Variants in LITAF observed in about 807,000 individuals in gnomAD.
The protein encoded by LITAF is lipopolysaccharide-induced tumor necrosis factor-alpha factor.
Under a neutral mutation model 14.5 loss-of-function variants are expected in LITAF, and 9 were observed. The observed-to-expected ratio is 0.62, with a 90% CI of 0.37 to 1.08. LITAF has a LOEUF of 1.08. LITAF is among the 50% of genes least tolerant of loss of function. The pLI is 0.01. For synonymous variants in LITAF, 98 were observed against 88.2 expected (o/e 1.11, Z -0.62); for missense variants, 206 against 213.4 (o/e 0.97, Z 0.22).
chr16:11,580,358 A>G (rs1442186557), intron 1 of LITAF, among the ~76,000 whole-genome samples: 1 of 152,022 alleles, frequency 6.6e-6, no homozygotes, highest in African/African-American at 2.4e-5. Flanking sequence ...CCCAGGTTCA[A>G]GTGATTCTCC....
At chr16:11,577,418 A>G (rs1287839585) in intron 1 of LITAF, among the ~76,000 whole-genome samples, 1 of 150,434 alleles carries the variant, frequency 6.6e-6, no homozygotes, top group East Asian at 2.0e-4. Flanking sequence ...TCCAGGTTCA[A>G]GCAATTGTCC....
chr16:11,637,032 T>C (rs1357027970), upstream of LITAF, among the ~76,000 whole-genome samples: 2 of 151,984 alleles, frequency 1.3e-5, no homozygotes, highest in Admixed American at 1.3e-4. Context: ...ACCAGCGTGC[T>C]CATCTGTAAA....
upstream of LITAF, among the ~76,000 whole-genome samples, chr16:11,637,324 G>A (rs1396159002): frequency 2.0e-5 from 3 of 152,208 alleles, no homozygotes; most frequent in African/African-American, 7.2e-5. Flanking sequence ...CTTGCAGCCT[G>A]GGAATGGAGC....
chr16:11,613,690 G>A (rs1011855887), intron 3 of LITAF, among the ~76,000 whole-genome samples: 2 of 152,220 alleles, frequency 1.3e-5, no homozygotes, highest in African/African-American at 4.8e-5. Flanking sequence ...CAGGAAAGGT[G>A]TCCTTACAGG....
At chr16:11,596,127 G>T (rs1347283275) in intron 1 of LITAF, among the ~76,000 whole-genome samples, 1 of 152,048 alleles carries the variant, frequency 6.6e-6, no homozygotes, top group Non-Finnish European at 1.5e-5. Context: ...GTAATTAATG[G>T]GTCAACCCTT....
chr16:11,580,783 T>C (rs2064720332), intron 1 of LITAF, among the ~76,000 whole-genome samples: 1 of 147,906 alleles, frequency 6.8e-6, no homozygotes, highest in Non-Finnish European at 1.5e-5. Context: ...TTTTTTATTT[T>C]GAGACAGGGT....
chr16:11,628,805 T>C (rs1361861819), intron 3 of LITAF, among the ~76,000 whole-genome samples: 2 of 152,184 alleles, frequency 1.3e-5, no homozygotes, highest in Non-Finnish European at 2.9e-5. Flanking sequence ...GCATTCCTAG[T>C]AGCTGGGATT....
chr16:11,556,430 C>A, intron 2 of LITAF, 81 bp downstream of exon 2: 1 of 1,245,272 alleles, frequency 8.0e-7, no homozygotes, highest in Non-Finnish European at 1.1e-6. Context: ...GACTCTTTGG[C>A]AGAGTCACTT....
intron 1 of LITAF, among the ~76,000 whole-genome samples, chr16:11,575,940 G>C (rs924019918): frequency 6.6e-6 from 1 of 152,196 alleles, no homozygotes; most frequent in Non-Finnish European, 1.5e-5. Flanking sequence ...CAGTGCAGTG[G>C]CGCAATCATA....
At chr16:11,638,335 C>T (rs1257716388), upstream of LITAF, among the ~76,000 whole-genome samples, 1 of 151,718 alleles carries the variant, frequency 6.6e-6, no homozygotes, top group Admixed American at 6.6e-5. Flanking sequence ...TGCTTGCCTT[C>T]ACATGGTAAC....
At chr16:11,554,479 T>C (rs925334065) in intron 2 of LITAF, among the ~76,000 whole-genome samples, 1 of 152,048 alleles carries the variant, frequency 6.6e-6, no homozygotes, top group African/African-American at 2.4e-5. Context: ...TCGAACATTC[T>C]CAAGAATCAG....
Position 11,612,681 on chromosome 16 carries a change from G to A in LITAF, c.85+20852C>T, listed in dbSNP as rs2064989729. 3.3e-5 allele frequency among the ~76,000 whole-genome samples: 5 copies of A among 152,294 alleles called. No individual in the cohort carries two copies. In the South Asian group the frequency reaches 6.2e-4, roughly 19 times the overall value. On this transcript the variant is annotated intron_variant, in intron 3 of 3. Coordinates refer to the LITAF transcript ENST00000574848. ...CCACCCCACTCCCAGCCCAGAACTG[G>A]CCACCCACTTCCCCACCCCATTCTC...
In LITAF at chr16:11,583,802, G is replaced by T. The variant is rs2064772202; in HGVS notation, c.-6+3084C>A. Among the ~76,000 whole-genome samples the T allele has an allele frequency of 5.3e-5, 8 of 152,258 alleles. 1 individual carries two copies. In the South Asian group the frequency reaches 1.7e-3, roughly 32 times the overall value. ...TATTTTCTCTGAAGCCTCCAGCTTT[G>T]GATCCTGGTATATAAACTCCTACCT... is the stretch of plus-strand genomic sequence containing the variant. On this transcript the variant is annotated intron_variant, in intron 1 of 3. Coordinates refer to ENST00000622633, the MANE Select transcript of LITAF (RefSeq NM_001136472.2).
chr16:11,620,961 T>A (rs1183773250), intron 3 of LITAF, among the ~76,000 whole-genome samples: 3 of 152,140 alleles, frequency 2.0e-5, no homozygotes, highest in Non-Finnish European at 2.9e-5. Flanking sequence ...AGTGGTGCCA[T>A]CATGGCTTAC....
Position 11,632,687 on chromosome 16 carries a change from C to T in LITAF, c.85+846G>A, listed in dbSNP as rs2065123655. 6.6e-6 allele frequency among the ~76,000 whole-genome samples: 1 copy of T among 152,190 alleles called. No individual in the cohort carries two copies. On this transcript the variant is annotated intron_variant, in intron 3 of 3. Coordinates refer to the LITAF transcript ENST00000574848. This position sits in a 1 kb window ranked among gnomAD's most constrained non-coding sequence, Gnocchi z 4.8. ...GACCCCAGGCCCAAGGCAGATGCCA[C>T]CCAGGCCCTTCTTTCGGTTCTGCAA...
At chr16:11,580,206 T>A (rs150462712) in intron 1 of LITAF, among the ~76,000 whole-genome samples, 7 of 152,086 alleles carry the variant, frequency 4.6e-5, no homozygotes, top group Admixed American at 6.6e-5. Flanking sequence ...AGAGAAGAGA[T>A]ACTTGATCTG....
chr16:11,639,352 T>TG (rs2065155219), upstream of LITAF, among the ~76,000 whole-genome samples: 2 of 139,720 alleles, frequency 1.4e-5, no homozygotes, highest in Non-Finnish European at 3.0e-5. Context: ...GAATGATTAG[T>TG]GGGGGGAAGA....
upstream of LITAF, among the ~76,000 whole-genome samples, chr16:11,600,022 G>T (rs59033158): frequency 5.8e-3 from 878 of 152,076 alleles, 10 homozygotes; most frequent in African/African-American, 0.02. The surrounding 1 kb of genome is among the most constrained non-coding windows in gnomAD (Gnocchi z 4.1). Flanking sequence ...TTAGAGACAG[G>T]TCTCACTCTG....
At chr16:11,554,675 C>T (rs892713378) in intron 2 of LITAF, among the ~76,000 whole-genome samples, 5 of 150,922 alleles carry the variant, frequency 3.3e-5, no homozygotes, top group African/African-American at 1.2e-4. Flanking sequence ...GTAGTCCCAG[C>T]TACTTGGGAG....
Sources: allele counts gnomAD v4.1 joint callset (sites outside exome capture counted in the v4.1 genomes callset), GRCh38; gene constraint gnomAD v4.1.1; non-coding constraint Gnocchi (gnomAD v3.1); transcripts MANE v1.5; gene names NCBI Gene and HGNC (gene_info 2026-07-23, HGNC 2026-07-21).